CENPP: variants seen among roughly 807,000 people sequenced by gnomAD.
The protein encoded by CENPP is centromere protein P.
Under a neutral mutation model 35.6 loss-of-function variants are expected in CENPP, and 24 were observed. That is an observed-to-expected ratio of 0.67 (90% CI 0.49 to 0.95). The LOEUF (loss-of-function observed/expected upper bound fraction) is 0.95. Among genes scored for constraint, CENPP ranks in the 40% least tolerant of loss-of-function variants. The probability of loss-of-function intolerance (pLI) is 0.00; values close to 1 mark genes in which losing one functional copy is unlikely to be tolerated. For missense variants in CENPP, 332 were observed against 345.3 expected, an observed-to-expected ratio of 0.96 and a Z score of 0.31; for synonymous variants, 120 against 125.5, an observed-to-expected ratio of 0.96 and a Z score of 0.29.
rs138198730 is a variant in CENPP at position 92,479,901 on chromosome 9, C to A, written c.564+100042C>A. Among the ~76,000 whole-genome samples, 6 of 152,216 alleles carry A rather than the reference C, an allele frequency of 3.9e-5. No homozygotes were observed. The East Asian group carries it at 1.2e-3, about 29-fold the overall frequency. On this transcript the variant is annotated intron_variant, in intron 5 of 7. Coordinates refer to ENST00000375587, the MANE Select transcript of CENPP (RefSeq NM_001012267.3). ...AAACCTCCCCCAGTTCAGTGTGCAACTGTTTACCAATAGGAAAATAATGGA... is the reference window on the plus strand; with the variant it reads ...AAACCTCCCCCAGTTCAGTGTGCAAATGTTTACCAATAGGAAAATAATGGA...
In CENPP at chr9:92,497,584, G is replaced by A. The variant is rs533069915; in HGVS notation, c.565-113730G>A. Among the ~76,000 whole-genome samples the A allele has an allele frequency of 1.5e-4, 22 of 150,126 alleles. 1 individual carries two copies. Among genetic ancestry groups the A allele is most frequent in the African/African-American group, 5.2e-4 (21 of 40,758 alleles). ...GGTTGCAGTGAGCTGAGATCACGCCGTTGCACTTCTGCCTGGGCAACAAGA... is the reference window on the plus strand; with the variant it reads ...GGTTGCAGTGAGCTGAGATCACGCCATTGCACTTCTGCCTGGGCAACAAGA... On this transcript the variant is annotated intron_variant, in intron 5 of 7. Transcript: ENST00000375587.
intron 5 of CENPP, among the ~76,000 whole-genome samples, chr9:92,452,943 A>T (rs1366715151): frequency 1.3e-5 from 2 of 151,956 alleles, no homozygotes; most frequent in Non-Finnish European, 2.9e-5. Context: ...ATCGGTGGTG[A>T]TATCCCCTTT....
At chr9:92,536,741 A>G (rs200081334) in intron 5 of CENPP, 1 of 152,204 alleles carries the variant, frequency 6.6e-6, no homozygotes, top group South Asian at 2.1e-4. Context: ...GTTTCTGACC[A>G]AAGTTCACTC....
chr9:92,333,825 C>T (rs1840834492), intron 2 of CENPP, among the ~76,000 whole-genome samples: 1 of 151,246 alleles, frequency 6.6e-6, no homozygotes, highest in Non-Finnish European at 1.5e-5. Flanking sequence ...TATTGTTTTC[C>T]ATAGCTATTA....
chr9:92,466,491 A>T, intron 5 of CENPP: 3 of 1,613,852 alleles, frequency 1.9e-6, no homozygotes, highest in Non-Finnish European at 1.7e-6. Flanking sequence ...TGTGGGACAG[A>T]TACAGCCTTC....
chr9:92,577,549 T>C (rs2131362279), intron 5 of CENPP, among the ~76,000 whole-genome samples: 1 of 152,304 alleles, frequency 6.6e-6, no homozygotes, highest in Non-Finnish European at 1.5e-5. Flanking sequence ...TTTATGATTC[T>C]ATATACATGA....
intron 5 of CENPP, among the ~76,000 whole-genome samples, chr9:92,450,166 A>G: frequency 6.6e-6 from 1 of 151,852 alleles, no homozygotes; most frequent in Non-Finnish European, 1.5e-5. Context: ...ACATATGTAT[A>G]CATGTGCCAT....
At chr9:92,526,401 C>CA (rs1848413438) in intron 5 of CENPP, among the ~76,000 whole-genome samples, 1 of 151,964 alleles carries the variant, frequency 6.6e-6, no homozygotes, top group African/African-American at 2.4e-5. Flanking sequence ...GAAAACACAG[C>CA]ACACCAAAAC....
At chr9:92,385,506 C>G (rs1011260771) in intron 5 of CENPP, 3 of 892,304 alleles carry the variant, frequency 3.4e-6, no homozygotes, top group Non-Finnish European at 5.1e-6. Context: ...TATTAAATTC[C>G]TTCAAAATGA....
intron 5 of CENPP, among the ~76,000 whole-genome samples, chr9:92,435,254 C>T (rs1347994754): frequency 6.6e-6 from 1 of 152,130 alleles, no homozygotes; most frequent in Non-Finnish European, 1.5e-5. Context: ...AAAATACTGT[C>T]TGACCATTTT....
chr9:92,431,776 C>T (rs1179645297), intron 5 of CENPP, among the ~76,000 whole-genome samples: 2 of 151,974 alleles, frequency 1.3e-5, no homozygotes, highest in African/African-American at 4.8e-5. Flanking sequence ...GGTTTCACCA[C>T]ATTGGCTAGG....
chr9:92,522,438 A>G, intron 5 of CENPP: 2 of 1,013,120 alleles, frequency 2.0e-6, no homozygotes, highest in Non-Finnish European at 2.7e-6. Context: ...CCAAAAAGTA[A>G]TATAATAACC....
Position 92,619,664 on chromosome 9 carries a change from G to T in CENPP, c.*6515G>T. 1 of 1,093,406 alleles carries T rather than the reference G, an allele frequency of 9.1e-7. No individual in the cohort carries two copies. Among genetic ancestry groups the T allele is most frequent in the Non-Finnish European group, 1.4e-6 (1 of 739,368 alleles). The allele number at this position is 1,093,406 out of a possible 1,614,324, so 67.7% of individuals were successfully genotyped here. A position where few individuals can be genotyped will look rare whatever the true frequency, so the allele number is the denominator to read the frequency against. On this transcript the variant is annotated 3_prime_UTR_variant, in exon 8 of 8. Coordinates refer to ENST00000375587, the MANE Select transcript of CENPP (RefSeq NM_001012267.3). ...TAGCCAAGTGTGGGAACTGCTTCCT[G>T]CCTCAGAACCTGAGGGTGGGATTAG...
chr9:92,461,235 C>T (rs912402908), intron 5 of CENPP, among the ~76,000 whole-genome samples: 4 of 152,256 alleles, frequency 2.6e-5, no homozygotes, highest in Non-Finnish European at 4.4e-5. Context: ...ATGTCTCTAA[C>T]TGATAAGGTC....
intron 5 of CENPP, among the ~76,000 whole-genome samples, chr9:92,459,409 A>G (rs922201057): frequency 1.3e-5 from 2 of 152,254 alleles, no homozygotes; most frequent in Admixed American, 1.3e-4. Context: ...CAACAGGAGA[A>G]ACCAAAAGAT....
In CENPP at chr9:92,610,100, G is replaced by A. The variant is rs1217031177; in HGVS notation, c.565-1214G>A. Among the ~76,000 whole-genome samples, 6 of 152,314 alleles carry A rather than the reference G, an allele frequency of 3.9e-5. 1 individual carries two copies. Among genetic ancestry groups the A allele is most frequent in the Admixed American group, 3.9e-4 (6 of 15,304 alleles). ...AGACGGAGTCTTGCTCTGTCGCCCA[G>A]GCTGGAGTGCAGTGGTGCGATCTCA... On this transcript the variant is annotated intron_variant, in intron 5 of 7. Coordinates refer to ENST00000375587, the MANE Select transcript of CENPP (RefSeq NM_001012267.3).
rs1481839591 is a variant in CENPP, at chr9:92,618,427, GACGAGGTGAGTA to G, written c.*5281_*5292del. The G allele has an allele frequency of 2.2e-6, 1 of 456,574 alleles. No homozygotes were observed. The highest frequency in any genetic ancestry group is 2.0e-5 in the African/African-American group (1 of 50,048). The allele number at this position is 456,574 out of a possible 1,614,324, so 28.3% of individuals were successfully genotyped here. ...GGCACTAAGAGATTCCCAGGTGCTA[GACGAGGTGAGTA>G]ACATGTCTGTCCTTCAGCGGCCTTT... On this transcript the variant is annotated 3_prime_UTR_variant, in exon 8 of 8. Transcript: ENST00000375587.
At chr9:92,475,542 C>T (rs1340063467) in intron 5 of CENPP, among the ~76,000 whole-genome samples, 4 of 152,104 alleles carry the variant, frequency 2.6e-5, no homozygotes, top group South Asian at 2.1e-4. Flanking sequence ...TAATAAACAT[C>T]GTAAAAACAG....
At position 92,416,072 on chromosome 9, in the gene CENPP, T is replaced by TATATATA. The variant is rs368634649; in HGVS notation, c.564+36213_564+36214insATATATA. On this transcript the variant is annotated intron_variant, in intron 5 of 7. Transcript: ENST00000375587. ...TATATATGTGTGTATATATATATAT[T>TATATATA]TATTTATTTATTTATTTATTTATTT... Among the ~76,000 whole-genome samples the TATATATA allele has an allele frequency of 2.7e-3, 333 of 125,362 alleles. 4 individuals carry two copies. Among genetic ancestry groups the TATATATA allele is most frequent in the Middle Eastern group, 0.017 (4 of 238 alleles). The allele number at this position is 125,362 out of a possible 152,430, so 82.2% of individuals were successfully genotyped here.
Sources: gnomAD v4.1 joint callset for allele counts (sites outside exome capture counted in the v4.1 genomes callset) on GRCh38, gnomAD v4.1.1 for gene constraint, MANE v1.5 for transcripts, NCBI Gene and HGNC (gene_info 2026-07-23, HGNC 2026-07-21) for gene names.